Variants in ST3GAL3 observed in about 807,000 individuals in gnomAD.
ST3GAL3 encodes the protein ST3 beta-galactoside alpha-2,3-sialyltransferase 3.
In ST3GAL3, 21 loss-of-function variants were observed where a neutral mutation model predicts 50.1. The observed-to-expected ratio is 0.42, with a 90% CI of 0.30 to 0.60. The LOEUF is 0.60. Among genes scored for constraint, ST3GAL3 ranks in the 20% least tolerant of loss-of-function variants. The pLI, the probability that ST3GAL3 is intolerant of heterozygous loss-of-function variation, is 0.19. For missense variants in ST3GAL3, 353 were observed against 489.4 expected (o/e 0.72, Z 2.63); for synonymous variants, 183 against 190.0 (o/e 0.96, Z 0.30).
At chr1:43,924,586 T>G (rs1212975414) in intron 11 of ST3GAL3, among the ~76,000 whole-genome samples, 1 of 152,096 alleles carries the variant, frequency 6.6e-6, no homozygotes, top group Admixed American at 6.6e-5. Flanking sequence ...GGCTGCAGAA[T>G]GAAGGAGAGG....
At chr1:43,845,884 T>C (rs2066170758) in intron 5 of ST3GAL3, among the ~76,000 whole-genome samples, 1 of 152,240 alleles carries the variant, frequency 6.6e-6, no homozygotes, top group African/African-American at 2.4e-5. Flanking sequence ...TCGTGATTTC[T>C]ACTTCGGCCT....
chr1:43,723,149 C>T (rs368934500), intron 1 of ST3GAL3, among the ~76,000 whole-genome samples: 22 of 151,510 alleles, frequency 1.5e-4, no homozygotes, highest in Admixed American at 1.1e-3. Context: ...CGTTCTATTG[C>T]CCAGGCTGGA....
intron 4 of ST3GAL3, among the ~76,000 whole-genome samples, chr1:43,817,652 TCC>T (rs2061516395): frequency 7.4e-6 from 1 of 135,236 alleles, no homozygotes; most frequent in Admixed American, 7.3e-5. Context: ...CTCCTCCTCC[TCC>T]TTCTCCTTCT....
chr1:43,722,077 C>T (rs1479543388), intron 1 of ST3GAL3, among the ~76,000 whole-genome samples: 1 of 152,108 alleles, frequency 6.6e-6, no homozygotes, highest in Non-Finnish European at 1.5e-5. Flanking sequence ...TATAAGTGCA[C>T]AATGTAATGG....
rs192651565 is a variant in ST3GAL3, at chr1:43,838,321, C to G, written c.302+10C>G. 4.8e-5 allele frequency: 77 copies of G among 1,612,460 alleles called. No homozygotes were observed. In the African/African-American group the frequency reaches 9.6e-4, roughly 20 times the overall value. On this transcript the variant is annotated intron_variant, in intron 5 of 11. Transcript: ENST00000347631. ...CGGCCATCTTCCCCCGGTAAGTGCTCCTGTTTCCCTCCACTGCCTAGACAG... is the reference window on the plus strand; with the variant it reads ...CGGCCATCTTCCCCCGGTAAGTGCTGCTGTTTCCCTCCACTGCCTAGACAG...
At chr1:43,722,706 G>A (rs1009486010) in intron 1 of ST3GAL3, among the ~76,000 whole-genome samples, 3 of 152,148 alleles carry the variant, frequency 2.0e-5, no homozygotes, top group African/African-American at 4.8e-5. Flanking sequence ...AGAGTGAGGA[G>A]GAGTCTAGTG....
chr1:43,713,175 C>G (rs7536221), intron 1 of ST3GAL3, among the ~76,000 whole-genome samples: 64,505 of 152,000 alleles, frequency 0.42, 13,951 homozygotes, highest in East Asian at 0.49. Flanking sequence ...AACATGTGAG[C>G]GGCATGTCTG....
chr1:43,742,596 A>T (rs756093755), intron 2 of ST3GAL3, among the ~76,000 whole-genome samples: 1 of 152,256 alleles, frequency 6.6e-6, no homozygotes, highest in African/African-American at 2.4e-5. Context: ...ACAGGAGAAT[A>T]TCCATATTCA....
At chr1:43,732,384 G>C (rs867502994) in intron 1 of ST3GAL3, among the ~76,000 whole-genome samples, 6 of 152,300 alleles carry the variant, frequency 3.9e-5, no homozygotes, top group Admixed American at 6.5e-5. Context: ...TAGCAGCTGT[G>C]CTCGTTATCC....
intron 2 of ST3GAL3, among the ~76,000 whole-genome samples, chr1:43,749,056 A>G (rs1392215527): frequency 1.3e-5 from 2 of 152,180 alleles, no homozygotes; most frequent in Admixed American, 1.3e-4. Flanking sequence ...GACCATGCAT[A>G]TGTAGTCAAT....
intron 3 of ST3GAL3, among the ~76,000 whole-genome samples, chr1:43,808,765 C>T (rs1342615438): frequency 1.3e-5 from 2 of 152,134 alleles, no homozygotes; most frequent in Non-Finnish European, 2.9e-5. Flanking sequence ...TTGGACTTGT[C>T]AGCTGATGAG....
At chr1:43,736,947 C>G (rs535823711) in intron 2 of ST3GAL3, 2 of 229,234 alleles carry the variant, frequency 8.7e-6, no homozygotes, top group East Asian at 1.2e-4. Flanking sequence ...TCTTTGTGCA[C>G]TTTGTCTCAT....
At chr1:43,722,657 T>C (rs1398287096) in intron 1 of ST3GAL3, among the ~76,000 whole-genome samples, 1 of 152,124 alleles carries the variant, frequency 6.6e-6, no homozygotes, top group African/African-American at 2.4e-5. Context: ...TATTTAGGGA[T>C]AAAATTTGTA....
intron 2 of ST3GAL3, among the ~76,000 whole-genome samples, chr1:43,776,924 T>G (rs935697239): frequency 6.6e-6 from 1 of 152,212 alleles, no homozygotes; most frequent in African/African-American, 2.4e-5. Flanking sequence ...CTGGCTTAAC[T>G]AAGTAATCTC....
chr1:43,880,304 C>T (rs2074888867), intron 5 of ST3GAL3, among the ~76,000 whole-genome samples: 1 of 152,212 alleles, frequency 6.6e-6, no homozygotes, highest in Non-Finnish European at 1.5e-5. Context: ...CACCCTCACA[C>T]TACAACCCCA....
At chr1:43,838,494 C>A in intron 5 of ST3GAL3, 183 bp downstream of exon 5, 1 of 627,694 alleles carries the variant, frequency 1.6e-6, no homozygotes, top group Non-Finnish European at 2.9e-6. Flanking sequence ...CTTTGCCTTA[C>A]TCCCATCCTG....
intron 2 of ST3GAL3, among the ~76,000 whole-genome samples, chr1:43,784,068 ACACCCCT>A (rs1356419737): frequency 6.6e-6 from 1 of 152,054 alleles, no homozygotes; most frequent in Admixed American, 6.6e-5. Flanking sequence ...CTGAAACCAC[ACACCCCT>A]CACTTTCCAT....
intron 1 of ST3GAL3, among the ~76,000 whole-genome samples, chr1:43,716,108 C>T (rs1359796467): frequency 1.3e-5 from 2 of 152,160 alleles, no homozygotes; most frequent in Non-Finnish European, 2.9e-5. Flanking sequence ...AAAATGCACT[C>T]AACAGTTTTC....
chr1:43,716,167 C>A (rs1452366072), intron 1 of ST3GAL3, among the ~76,000 whole-genome samples: 2 of 152,138 alleles, frequency 1.3e-5, no homozygotes, highest in African/African-American at 2.4e-5. Context: ...ATGGCAAAAA[C>A]CACAATTATT....
Sources: gnomAD v4.1 joint callset for allele counts (sites outside exome capture counted in the v4.1 genomes callset) on GRCh38, gnomAD v4.1.1 for gene constraint, MANE v1.5 for transcripts, NCBI Gene and HGNC (gene_info 2026-07-23, HGNC 2026-07-21) for gene names.